NIF3L1: variants seen among roughly 807,000 people sequenced by gnomAD.
NIF3L1 encodes NIF3-like protein 1.
Under a neutral mutation model 35.0 loss-of-function variants are expected in NIF3L1, and 26 were observed. The ratio of observed to expected loss-of-function variants is 0.74; its 90% confidence interval spans 0.54 to 1.03. NIF3L1 has a LOEUF of 1.03. Ranked by LOEUF, NIF3L1 falls within the 50% of genes least tolerant of loss-of-function variation. The pLI, the probability that NIF3L1 is intolerant of heterozygous loss-of-function variation, is 0.00. For missense variants in NIF3L1, 449 were observed against 466.3 expected (o/e 0.96, Z 0.34); for synonymous variants, 157 against 178.9 (o/e 0.88, Z 0.98).
chr2:200,903,533 A>G lies in NIF3L1; in HGVS notation c.989A>G (p.Gln330Arg), dbSNP rs1463062376. The change falls in exon 7 of 7, where the codon CAA (glutamine) becomes CGA (arginine). Residue 330 changes from glutamine to arginine, a missense_variant. Transcript: ENST00000409020. ...CATGATACTTTGGATGCTGCTTCCC[A>G]AGGAATAAATGTCATCCTCTGTGAA... ...SHHDTLDAAS[Q>R]GINVILCEHS... 8.1e-6 allele frequency: 13 copies of G among 1,614,092 alleles called. No individual in the cohort carries two copies. Among genetic ancestry groups the G allele is most frequent in the South Asian group, 1.1e-5 (1 of 91,084 alleles).
chr2:200,899,412 G>A lies in NIF3L1; in HGVS notation c.893G>A (p.Cys298Tyr). 3 of 1,614,092 alleles carry A rather than the reference G, an allele frequency of 1.9e-6. No homozygotes were observed. The highest frequency in any genetic ancestry group is 1.1e-5 in the South Asian group (1 of 91,082). The part of the protein sequence containing the change: ...LESQVKVVAL[C>Y]AGSGSSVLQG... ...TCTCAAGTCAAAGTCGTGGCCCTGT[G>A]TGCTGGTTCTGGGAGCAGCGTTCTG... The change falls in exon 6 of 7, where the codon TGT becomes TAT. Residue 298 changes from cysteine to tyrosine, a missense_variant. Cys to Tyr is a radical substitution (Grantham distance 194). Transcript: ENST00000409020.
In NIF3L1 at chr2:200,903,503, C is replaced by A; in HGVS notation, c.959C>A (p.Ser320Tyr). The A allele has an allele frequency of 6.2e-7, 1 of 1,612,448 alleles. No homozygotes were observed. Among genetic ancestry groups the A allele is most frequent in the Non-Finnish European group, 8.5e-7 (1 of 1,178,522 alleles). ...CTTCCCTTTTTGGTAGGTGAGATGT[C>A]CCATCATGATACTTTGGATGCTGCT... ...EADLYLTGEM[S>Y]HHDTLDAASQ... Residue 320 changes from serine (S) to tyrosine (Y), a missense_variant, in exon 7 of 7, where the codon TCC becomes TAC. Coordinates refer to ENST00000409020, the MANE Select transcript of NIF3L1 (RefSeq NM_001369441.2).
At chr2:200,896,982 T>C (rs2124890371) in intron 4 of NIF3L1, 94 bp from the exon 5 acceptor site, 2 of 1,218,088 alleles carry the variant, frequency 1.6e-6, no homozygotes, top group East Asian at 2.5e-5. Flanking sequence ...TGGAGCTTGC[T>C]ATAGTAATCT....
chr2:200,892,315 C>G lies in NIF3L1; in HGVS notation c.372C>G (p.Tyr124Ter), dbSNP rs1282303233. Residue 124 changes from tyrosine (Y) to a stop codon, truncating the protein, a stop_gained, in exon 2 of 7, where the codon TAC becomes TAG. Transcript: ENST00000409020. LOFTEE classifies it high-confidence loss of function. Reference sequence around the variant, plus strand: ...CTCTGGAGAACAGAGTCGGTATCTACTCTCCTCATACAGCCTATGATGCTG... The same window carrying G: ...CTCTGGAGAACAGAGTCGGTATCTAGTCTCCTCATACAGCCTATGATGCTG... ...IRALENRVGI[Y>*]SPHTAYDAAP... 1.2e-6 allele frequency: 2 copies of G among 1,613,672 alleles called. No individual in the cohort carries two copies. The highest frequency in any genetic ancestry group is 1.1e-5 in the South Asian group (1 of 91,082).
chr2:200,903,119 A>G (rs2040435464), intron 6 of NIF3L1, among the ~76,000 whole-genome samples: 1 of 152,194 alleles, frequency 6.6e-6, no homozygotes, highest in South Asian at 2.1e-4. Flanking sequence ...CACCTGTCTC[A>G]GCCTCCTGAG....
At chr2:200,893,948 G>C (rs2040251847) in intron 3 of NIF3L1, among the ~76,000 whole-genome samples, 1 of 152,138 alleles carries the variant, frequency 6.6e-6, no homozygotes, top group African/African-American at 2.4e-5. Flanking sequence ...GCCAAGGCTG[G>C]TGGATCACCT....
At chr2:200,901,703 T>C (rs1344817187) in intron 6 of NIF3L1, among the ~76,000 whole-genome samples, 1 of 152,212 alleles carries the variant, frequency 6.6e-6, no homozygotes, top group African/African-American at 2.4e-5. Flanking sequence ...CTGCTCCTTG[T>C]AAATTAAGTT....
At chr2:200,893,220 C>T in intron 2 of NIF3L1, 26 bp from the exon 3 acceptor site, 1 of 1,463,094 alleles carries the variant, frequency 6.8e-7, no homozygotes. Context: ...CCCAAAACTC[C>T]CATTTTCCCA....
chr2:200,897,180 T>G lies in NIF3L1; in HGVS notation c.831T>G (p.His277Gln). The G allele has an allele frequency of 1.2e-6, 2 of 1,614,004 alleles. No homozygotes were observed. Among genetic ancestry groups the G allele is most frequent in the Non-Finnish European group, 1.7e-6 (2 of 1,180,010 alleles). Residue 277 changes from histidine (H) to glutamine (Q), a missense_variant, in exon 5 of 7, where the codon CAT (histidine) becomes CAG (glutamine). Physicochemically the swap from His to Gln is conservative, Grantham distance 24. Coordinates refer to ENST00000409020, the MANE Select transcript of NIF3L1 (RefSeq NM_001369441.2). Reference protein sequence around the residue: ...DRIKRHLKLSHIRLALGVGRT... With the variant: ...DRIKRHLKLSQIRLALGVGRT... Reference sequence around the variant, plus strand: ...TAAAAAGACACCTAAAACTATCTCATATTCGCTTAGCCCTTGGGGTGGGGA... The same window carrying G: ...TAAAAAGACACCTAAAACTATCTCAGATTCGCTTAGCCCTTGGGGTGGGGA...
Position 200,893,288 on chromosome 2 carries a change from A to C in NIF3L1, c.479A>C (p.Asn160Thr). The C allele has an allele frequency of 3.8e-6, 6 of 1,588,886 alleles. No individual in the cohort carries two copies. The highest frequency in any genetic ancestry group is 5.1e-6 in the Non-Finnish European group (6 of 1,166,088). Residue 160 changes from asparagine to threonine, a missense_variant, in exon 3 of 7, where the codon AAC (asparagine) becomes ACC (threonine). By Grantham distance (65) the Asn-to-Thr change is moderately conservative (BLOSUM62 0). Transcript: ENST00000409020. ...SRPIHPSKAPNYPTEGNHRVE... is the reference protein window; with the variant it reads ...SRPIHPSKAPTYPTEGNHRVE... Reference sequence around the variant, plus strand: ...CCCATACATCCTTCCAAAGCTCCCAACTACCCTACAGAGGGAAACCACCGA... The same window carrying C: ...CCCATACATCCTTCCAAAGCTCCCACCTACCCTACAGAGGGAAACCACCGA...
chr2:200,891,544 A>G (rs1245881334), intron 1 of NIF3L1, among the ~76,000 whole-genome samples: 1 of 152,172 alleles, frequency 6.6e-6, no homozygotes, highest in African/African-American at 2.4e-5. Flanking sequence ...GGAAAAGGAA[A>G]GGTAATATTT....
Position 200,903,632 on chromosome 2 carries a change from A to G in NIF3L1, c.1088A>G (p.Asn363Ser). 1.2e-6 allele frequency: 2 copies of G among 1,613,690 alleles called. No homozygotes were observed. The highest frequency in any genetic ancestry group is 1.7e-6 in the Non-Finnish European group (2 of 1,179,616). Residue 363 changes from asparagine to serine, a missense_variant, in exon 7 of 7, where the codon AAT becomes AGT. Transcript: ENST00000409020. Reference sequence around the variant, plus strand: ...GATTCTCACTTGGAGAATAAGATAAATATTATCCTATCAGAGACTGACAGG... The same window carrying G: ...GATTCTCACTTGGAGAATAAGATAAGTATTATCCTATCAGAGACTGACAGG... ...MLDSHLENKI[N>S]IILSETDRDP...
chr2:200,902,338 C>T (rs1266887717), intron 6 of NIF3L1, among the ~76,000 whole-genome samples: 2 of 152,126 alleles, frequency 1.3e-5, no homozygotes, highest in Non-Finnish European at 1.5e-5. Context: ...GAGGCTGAGG[C>T]GGGCAGATCA....
intron 3 of NIF3L1, among the ~76,000 whole-genome samples, chr2:200,893,803 T>A (rs1450200646): frequency 6.6e-6 from 1 of 152,208 alleles, no homozygotes; most frequent in Non-Finnish European, 1.5e-5. Context: ...ACATTTTAAA[T>A]ATATATTTTC....
Position 200,893,354 on chromosome 2 carries a change from T to A in NIF3L1, c.545T>A (p.Val182Asp), listed in dbSNP as rs1343594916. 1.2e-6 allele frequency: 2 copies of A among 1,613,816 alleles called. No homozygotes were observed. The highest frequency in any genetic ancestry group is 1.7e-6 in the Non-Finnish European group (2 of 1,179,900). The part of the protein sequence containing the change: ...NVNYTQDLDK[V>D]MSAVKGIDGV... ...AACTACACCCAAGACCTGGACAAAG[T>A]CATGTCTGCAGTGAAAGGAATTGAC... Residue 182 changes from valine (V) to aspartate (D), a missense_variant, in exon 3 of 7, where the codon GTC becomes GAC. Physicochemically the swap from Val to Asp is radical, Grantham distance 152. Transcript: ENST00000409020.
rs781174150 is a variant in NIF3L1, at chr2:200,899,483, G to C, written c.949+15G>C. ...TTACCTCACAGGTAGGACAGACTTT[G>C]GATCTCTCTTGGTTTATTTTTTGCA... On this transcript the variant is annotated intron_variant, in intron 6 of 6. Coordinates refer to ENST00000409020, the MANE Select transcript of NIF3L1 (RefSeq NM_001369441.2). 7.5e-6 allele frequency: 12 copies of C among 1,609,612 alleles called. No homozygotes were observed. The South Asian group carries it at 1.3e-4, about 18-fold the overall frequency.
Position 200,892,115 on chromosome 2 carries a change from C to G in NIF3L1, c.172C>G (p.Pro58Ala). Residue 58 changes from proline (P) to alanine (A), a missense_variant, in exon 2 of 7, where the codon CCA (proline) becomes GCA (alanine). Transcript: ENST00000409020. Reference sequence around the variant, plus strand: ...GGACAATGTTGGATTACTGGTGGAACCAAGCCCACCACATACTGTAAATAC... The same window carrying G: ...GGACAATGTTGGATTACTGGTGGAAGCAAGCCCACCACATACTGTAAATAC... ...SWDNVGLLVE[P>A]SPPHTVNTLF... The G allele has an allele frequency of 1.9e-6, 3 of 1,614,134 alleles. No individual in the cohort carries two copies. Among genetic ancestry groups the G allele is most frequent in the Non-Finnish European group, 2.5e-6 (3 of 1,180,018 alleles).
At chr2:200,896,018 CTACTT>C (rs1239533880) in intron 4 of NIF3L1, among the ~76,000 whole-genome samples, 2 of 149,040 alleles carry the variant, frequency 1.3e-5, no homozygotes, top group South Asian at 2.2e-4. Context: ...GTATCATTAT[CTACTT>C]TAGTTTCCAA....
Position 200,892,383 on chromosome 2 carries a change from A to G in NIF3L1, c.436+4A>G. 6.4e-7 allele frequency: 1 copy of G among 1,563,536 alleles called. No individual in the cohort carries two copies. Among genetic ancestry groups the G allele is most frequent in the Non-Finnish European group, 8.6e-7 (1 of 1,159,866 alleles). ...AACTGGTTGGCTAAAGGGCTTGGTG[A>G]GAAGCCTCTTTCATATTTGATATTT... On this transcript the variant is annotated splice_donor_region_variant and intron_variant, in intron 2 of 6. Transcript: ENST00000409020.
Sources: allele counts gnomAD v4.1 joint callset (sites outside exome capture counted in the v4.1 genomes callset), GRCh38; gene constraint gnomAD v4.1.1; transcripts MANE v1.5; gene names NCBI Gene and HGNC (gene_info 2026-07-23, HGNC 2026-07-21).